The following FOXN3 variants were observed in gnomAD, a reference collection of about 807,000 sequenced individuals.
The protein encoded by FOXN3 is forkhead box N3.
A neutral mutation model predicts 38.4 loss-of-function variants in FOXN3; 7 were observed. The ratio of observed to expected loss-of-function variants is 0.18; its 90% confidence interval spans 0.10 to 0.34. The LOEUF (loss-of-function observed/expected upper bound fraction) is 0.34. FOXN3 is among the 10% of genes least tolerant of loss of function. The probability of loss-of-function intolerance (pLI) is 1.00; values close to 1 mark genes in which losing one functional copy is unlikely to be tolerated. For synonymous variants in FOXN3, 230 were observed against 242.2 expected (o/e 0.95, Z 0.47); for missense variants, 456 against 613.4 (o/e 0.74, Z 2.71).
chr14:89,172,423 T>C (rs1428132768), intron 5 of FOXN3, among the ~76,000 whole-genome samples: 1 of 152,158 alleles, frequency 6.6e-6, no homozygotes, highest in Non-Finnish European at 1.5e-5. Context: ...CAAATTGATG[T>C]AGAGATTCCA....
intron 3 of FOXN3, among the ~76,000 whole-genome samples, chr14:89,334,736 T>C (rs937425185): frequency 3.3e-5 from 5 of 152,140 alleles, no homozygotes; most frequent in Non-Finnish European, 7.4e-5. Flanking sequence ...TTTTGTTTTG[T>C]TTTGTTCTTT....
At chr14:89,369,754 C>T (rs1890261479) in intron 2 of FOXN3, among the ~76,000 whole-genome samples, 1 of 152,182 alleles carries the variant, frequency 6.6e-6, no homozygotes, top group South Asian at 2.1e-4. Flanking sequence ...ACAGGAAAGA[C>T]CTGTCCTTAT....
At chr14:89,310,096 G>A (rs55661040) in intron 3 of FOXN3, among the ~76,000 whole-genome samples, 43,380 of 152,122 alleles carry the variant, frequency 0.29, 6,351 homozygotes, top group Admixed American at 0.35. Context: ...TCCCCTGGGT[G>A]CCAGCACCCT....
In FOXN3 at chr14:89,554,382, C is replaced by T. The variant is rs1450194713; in HGVS notation, c.-15+64646G>A. On this transcript the variant is annotated intron_variant, in intron 1 of 6. Transcript: ENST00000345097. ...GAACTCCTGAGCTCAAGCAATCCTC[C>T]GCCTAGGTCTTCCAAAGTGCTGGGA... Among the ~76,000 whole-genome samples, 5 of 152,206 alleles carry T rather than the reference C, an allele frequency of 3.3e-5. No homozygotes were observed. In the East Asian group the frequency reaches 7.7e-4, roughly 24 times the overall value.
chr14:89,546,474 C>A (rs1353828739), intron 1 of FOXN3, among the ~76,000 whole-genome samples: 1 of 149,892 alleles, frequency 6.7e-6, no homozygotes, highest in African/African-American at 2.5e-5. Flanking sequence ...GGACTACAGG[C>A]GCCTGCCACC....
chr14:89,399,861 C>T (rs1891200801), intron 2 of FOXN3: 1 of 152,232 alleles, frequency 6.6e-6, no homozygotes, highest in Non-Finnish European at 1.5e-5. Context: ...ATCAGTAACT[C>T]CGTTGCTAAG....
chr14:89,515,654 T>C (rs1171430876), intron 1 of FOXN3, among the ~76,000 whole-genome samples: 2 of 152,104 alleles, frequency 1.3e-5, no homozygotes, highest in African/African-American at 2.4e-5. Context: ...GAGAATCACT[T>C]GAACCCAGGA....
intron 3 of FOXN3, among the ~76,000 whole-genome samples, chr14:89,335,077 TCACACACACACACACA>T (rs72014136): frequency 0.51 from 71,475 of 139,152 alleles, 18,543 homozygotes; most frequent in Admixed American, 0.62. Context: ...TATTTTCATA[TCACACACACACACACA>T]CACACACACA....
intron 4 of FOXN3, among the ~76,000 whole-genome samples, chr14:89,220,271 C>T: frequency 6.6e-6 from 1 of 152,132 alleles, no homozygotes; most frequent in East Asian, 1.9e-4. Context: ...GGTTCAAATC[C>T]CGGCTCCAGT....
At chr14:89,424,717 A>G (rs960805510) in intron 1 of FOXN3, among the ~76,000 whole-genome samples, 8 of 151,894 alleles carry the variant, frequency 5.3e-5, no homozygotes, top group African/African-American at 1.9e-4. Context: ...ACTCTACAAA[A>G]AAAAAAAAAA....
At chr14:89,543,979 T>C (rs778985906) in intron 1 of FOXN3, among the ~76,000 whole-genome samples, 7 of 152,190 alleles carry the variant, frequency 4.6e-5, no homozygotes, top group Non-Finnish European at 1.0e-4. Context: ...ATGTAATGGA[T>C]TCTGGTGTCA....
intron 3 of FOXN3, among the ~76,000 whole-genome samples, chr14:89,315,340 C>T (rs1279537635): frequency 6.6e-6 from 1 of 152,100 alleles, no homozygotes; most frequent in Non-Finnish European, 1.5e-5. Flanking sequence ...TCTTTAACGT[C>T]GGCATAACCC....
At chr14:89,440,417 T>TACTTC (rs1468126623) in intron 1 of FOXN3, among the ~76,000 whole-genome samples, 1 of 152,186 alleles carries the variant, frequency 6.6e-6, no homozygotes, top group African/African-American at 2.4e-5. Flanking sequence ...CTTGCACGTA[T>TACTTC]AGGCCCAGAT....
At chr14:89,308,031 G>A (rs539220845) in intron 3 of FOXN3, among the ~76,000 whole-genome samples, 7 of 152,212 alleles carry the variant, frequency 4.6e-5, no homozygotes, top group Admixed American at 6.5e-5. Flanking sequence ...TTGGGAGGCC[G>A]AGGTGGGCGG....
In FOXN3 at chr14:89,157,975, A is replaced by G. The variant is rs1383173064; in HGVS notation, c.*4439T>C. 6.6e-6 allele frequency: 1 copy of G among 152,666 alleles called. No homozygotes were observed. Among genetic ancestry groups the G allele is most frequent in the South Asian group, 2.1e-4 (1 of 4,836 alleles). 9.5% of individuals were successfully genotyped at this position (152,666 alleles called of 1,614,324 possible). A position where few individuals can be genotyped will look rare whatever the true frequency, so the allele number is the denominator to read the frequency against. ...CTTCTCTACAGAAACATAAAAATCA[A>G]TTGCAACATCTGGGCAGCTGTGATC... On this transcript the variant is annotated 3_prime_UTR_variant, in exon 6 of 6. Coordinates refer to ENST00000557258, the MANE Select transcript of FOXN3 (RefSeq NM_005197.4).
At chr14:89,420,342 A>C (rs1346938036), upstream of FOXN3, among the ~76,000 whole-genome samples, 2 of 152,212 alleles carry the variant, frequency 1.3e-5, no homozygotes, top group Non-Finnish European at 2.9e-5. Flanking sequence ...GACAAGGGAC[A>C]TGGTGAAACA....
At chr14:89,432,434 C>T (rs1892178732) in intron 1 of FOXN3, among the ~76,000 whole-genome samples, 1 of 152,196 alleles carries the variant, frequency 6.6e-6, no homozygotes, top group African/African-American at 2.4e-5. Flanking sequence ...GATTATAAAA[C>T]ATGCATAACA....
At chr14:89,604,650 G>A (rs1896232593) in intron 1 of FOXN3, among the ~76,000 whole-genome samples, 1 of 152,186 alleles carries the variant, frequency 6.6e-6, no homozygotes, top group South Asian at 2.1e-4. Context: ...CAGTTCTGAT[G>A]AGAAAGCCAA....
chr14:89,417,889 A>T (rs1361386625), upstream of FOXN3: 1 of 371,652 alleles, frequency 2.7e-6, no homozygotes, highest in African/African-American at 2.1e-5. Context: ...CCTAAAGGCC[A>T]CGCCGGTGGG....
Sources: gnomAD v4.1 joint callset for allele counts (sites outside exome capture counted in the v4.1 genomes callset) on GRCh38, gnomAD v4.1.1 for gene constraint, MANE v1.5 for transcripts, NCBI Gene and HGNC (gene_info 2026-07-23, HGNC 2026-07-21) for gene names.